SRPK2: variants seen among roughly 807,000 people sequenced by gnomAD.
SRPK2 encodes the protein SFRS protein kinase 2.
Under a neutral mutation model 90.8 loss-of-function variants are expected in SRPK2, and 21 were observed. That is an observed-to-expected ratio of 0.23 (90% CI 0.16 to 0.33). The LOEUF (loss-of-function observed/expected upper bound fraction) is 0.33. Ranked by LOEUF, SRPK2 falls within the 10% of genes least tolerant of loss-of-function variation. The pLI, the probability that SRPK2 is intolerant of heterozygous loss-of-function variation, is 1.00. For synonymous variants in SRPK2, 288 were observed against 311.1 expected, an observed-to-expected ratio of 0.93 and a Z score of 0.78; for missense variants, 620 against 869.0, an observed-to-expected ratio of 0.71 and a Z score of 3.60.
intron 2 of SRPK2, chr7:105,245,024 AAACAAAACAAACACAC>A (rs1801413425): frequency 1.6e-6 from 1 of 638,632 alleles, no homozygotes; most frequent in Non-Finnish European, 2.8e-6. Flanking sequence ...AGGAAAAACA[AAACAAAACAAACACAC>A]ACACACACAC....
chr7:105,145,406 T>A, intron 8 of SRPK2, 98 bp from the exon 9 acceptor site: 1 of 828,614 alleles, frequency 1.2e-6, no homozygotes, highest in Non-Finnish European at 1.9e-6. Flanking sequence ...TATTGTCTTT[T>A]AATGGCTATC....
At chr7:105,378,412 G>A (rs746231886) in intron 2 of SRPK2, among the ~76,000 whole-genome samples, 1 of 151,882 alleles carries the variant, frequency 6.6e-6, no homozygotes, top group Non-Finnish European at 1.5e-5. Context: ...AAGGGTAGGG[G>A]GCAAAAGACT....
intron 3 of SRPK2, among the ~76,000 whole-genome samples, chr7:105,179,982 A>G (rs1792548938): frequency 6.6e-6 from 1 of 152,160 alleles, no homozygotes; most frequent in South Asian, 2.1e-4. Flanking sequence ...GGAAAAATCA[A>G]TATTGTTAAA....
At chr7:105,384,053 A>G (rs1236453644) in intron 2 of SRPK2, among the ~76,000 whole-genome samples, 1 of 152,240 alleles carries the variant, frequency 6.6e-6, no homozygotes, top group Non-Finnish European at 1.5e-5. Context: ...GCACAATTTA[A>G]TGAATAGACT....
At chr7:105,215,869 G>GT (rs900717217) in intron 2 of SRPK2, among the ~76,000 whole-genome samples, 2 of 152,082 alleles carry the variant, frequency 1.3e-5, no homozygotes, top group African/African-American at 4.8e-5. Context: ...AGTGTATGAA[G>GT]TTTTTTGGGG....
chr7:105,168,165 T>A lies in SRPK2; in HGVS notation c.339-70A>T. On this transcript the variant is annotated intron_variant, in intron 4 of 15. Coordinates refer to ENST00000393651, the MANE Select transcript of SRPK2 (RefSeq NM_182692.3). Reference sequence around the variant, plus strand: ...GTAGAAAGAATCACTGGTATCCAGGTTGAGCATCCCTAATTGGAAAATGTA... The same window carrying A: ...GTAGAAAGAATCACTGGTATCCAGGATGAGCATCCCTAATTGGAAAATGTA... The A allele has an allele frequency of 3.1e-6, 4 of 1,282,582 alleles. No individual in the cohort carries two copies. In the South Asian group the frequency reaches 5.4e-5, roughly 17 times the overall value. 79.5% of individuals were successfully genotyped at this position (1,282,582 alleles called of 1,614,324 possible). A position where few individuals can be genotyped will look rare whatever the true frequency, so the allele number is the denominator to read the frequency against.
At chr7:105,190,999 T>A (rs1274675867) in intron 3 of SRPK2, among the ~76,000 whole-genome samples, 4 of 152,228 alleles carry the variant, frequency 2.6e-5, no homozygotes, top group Non-Finnish European at 5.9e-5. Flanking sequence ...GTTACACTAT[T>A]TTTTTCTATA....
intron 2 of SRPK2, among the ~76,000 whole-genome samples, chr7:105,211,190 C>T (rs940273819): frequency 6.6e-6 from 1 of 151,928 alleles, no homozygotes; most frequent in Non-Finnish European, 1.5e-5. Context: ...GTTCCTCAAA[C>T]TGTACTAGAG....
intron 2 of SRPK2, among the ~76,000 whole-genome samples, chr7:105,332,371 AC>A (rs1814524942): frequency 6.6e-6 from 1 of 152,178 alleles, no homozygotes; most frequent in East Asian, 1.9e-4. Context: ...GATTCCAAAT[AC>A]CTTCTATTTC....
At chr7:105,204,643 G>A (rs911524766) in intron 2 of SRPK2, 6 of 916,260 alleles carry the variant, frequency 6.5e-6, no homozygotes, top group African/African-American at 1.7e-5. Context: ...TCAGTTGCCC[G>A]ACATGTGAGT....
At chr7:105,275,130 C>A (rs969471332) in intron 2 of SRPK2, among the ~76,000 whole-genome samples, 5 of 152,152 alleles carry the variant, frequency 3.3e-5, no homozygotes, top group African/African-American at 1.2e-4. Flanking sequence ...AAGTGATCCA[C>A]CCGCCTCAGC....
intron 2 of SRPK2, among the ~76,000 whole-genome samples, chr7:105,232,582 A>T (rs1246543254): frequency 6.8e-6 from 1 of 146,718 alleles, no homozygotes; most frequent in African/African-American, 2.6e-5. Flanking sequence ...CTTGTAATCT[A>T]AGTCTCTAAA....
chr7:105,237,153 A>G (rs1800242353), intron 2 of SRPK2, among the ~76,000 whole-genome samples: 2 of 152,226 alleles, frequency 1.3e-5, no homozygotes, highest in South Asian at 4.1e-4. Flanking sequence ...AAAGCCCACA[A>G]ACTTAGCTTC....
At chr7:105,159,474 C>CAAAAAAA (rs1554428784) in intron 7 of SRPK2, among the ~76,000 whole-genome samples, 1 of 55,142 alleles carries the variant, frequency 1.8e-5, no homozygotes, top group Non-Finnish European at 4.7e-5. Context: ...AAAAAAAAAA[C>CAAAAAAA]CGTACAAAAG....
intron 2 of SRPK2, among the ~76,000 whole-genome samples, chr7:105,250,096 C>T (rs1311969882): frequency 1.3e-5 from 2 of 152,128 alleles, no homozygotes; most frequent in Admixed American, 6.5e-5. Context: ...TATGGGAGTC[C>T]GAGGGAGGTG....
At chr7:105,397,799 A>G (rs1822373103) in intron 1 of SRPK2, among the ~76,000 whole-genome samples, 1 of 151,778 alleles carries the variant, frequency 6.6e-6, no homozygotes, top group African/African-American at 2.4e-5. Flanking sequence ...ACCTAGCACC[A>G]TGCCCTGCTA....
intron 3 of SRPK2, among the ~76,000 whole-genome samples, chr7:105,181,468 G>T (rs1200473119): frequency 1.3e-5 from 2 of 152,132 alleles, no homozygotes; most frequent in Non-Finnish European, 2.9e-5. Flanking sequence ...TGGAAGCAAT[G>T]CTCATCAACA....
intron 2 of SRPK2, among the ~76,000 whole-genome samples, chr7:105,276,963 C>G (rs1223884927): frequency 6.6e-6 from 1 of 152,176 alleles, no homozygotes. Flanking sequence ...CATCCTAACT[C>G]TACTTCTCCT....
intron 2 of SRPK2, chr7:105,332,955 G>C (rs554151019): frequency 1.3e-5 from 2 of 151,960 alleles, no homozygotes; most frequent in Non-Finnish European, 2.9e-5. Context: ...CAGCCCTTTG[G>C]GAGGCCAAGG....
Sources: gnomAD v4.1 joint callset for allele counts (sites outside exome capture counted in the v4.1 genomes callset) on GRCh38, gnomAD v4.1.1 for gene constraint, MANE v1.5 for transcripts, NCBI Gene and HGNC (gene_info 2026-07-23, HGNC 2026-07-21) for gene names.